Variants in MMP16 observed in about 807,000 individuals in gnomAD.
The protein encoded by MMP16 is matrix metalloproteinase-16.
In MMP16, 12 loss-of-function variants were observed where a neutral mutation model predicts 67.8. The observed-to-expected ratio is 0.18, with a 90% CI of 0.11 to 0.29. The LOEUF (loss-of-function observed/expected upper bound fraction) is 0.29. Among genes scored for constraint, MMP16 ranks in the 10% least tolerant of loss-of-function variants. The probability of loss-of-function intolerance (pLI) is 1.00; values close to 1 mark genes in which losing one functional copy is unlikely to be tolerated. For missense variants in MMP16, 475 were observed against 765.7 expected, an observed-to-expected ratio of 0.62 and a Z score of 4.48; for synonymous variants, 249 against 255.9, an observed-to-expected ratio of 0.97 and a Z score of 0.26.
chr8:88,083,398 C>A (rs912674716), intron 6 of MMP16, among the ~76,000 whole-genome samples: 1 of 151,944 alleles, frequency 6.6e-6, no homozygotes, highest in African/African-American at 2.4e-5. Flanking sequence ...CAAGGTAAGC[C>A]TGGAACAATT....
At chr8:88,164,621 T>A (rs111981854) in intron 4 of MMP16, among the ~76,000 whole-genome samples, 28 of 152,176 alleles carry the variant, frequency 1.8e-4, no homozygotes, top group African/African-American at 6.7e-4. Context: ...GAAACACTAT[T>A]ATTTTGCAGG....
intron 1 of MMP16, among the ~76,000 whole-genome samples, chr8:88,283,261 C>T (rs1225463018): frequency 1.3e-5 from 2 of 152,098 alleles, no homozygotes; most frequent in Non-Finnish European, 2.9e-5. Context: ...CATTATTTGG[C>T]TTTCTTTTCT....
At chr8:88,162,370 C>A (rs1377816203) in intron 4 of MMP16, among the ~76,000 whole-genome samples, 1 of 151,874 alleles carries the variant, frequency 6.6e-6, no homozygotes, top group Non-Finnish European at 1.5e-5. Context: ...TATATAAATC[C>A]TCTGTAATGG....
chr8:88,118,789 G>A lies in MMP16; in HGVS notation c.782C>T (p.Thr261Ile), dbSNP rs1202242072. Residue 261 changes from threonine (T) to isoleucine (I), a missense_variant, in exon 5 of 10, where the codon ACT becomes ATT. Physicochemically the swap from Thr to Ile is moderately conservative, Grantham distance 89 (BLOSUM62 -1). Coordinates refer to ENST00000286614, the MANE Select transcript of MMP16 (RefSeq NM_005941.5). The stretch of plus-strand genomic sequence containing the variant: ...CTGGTAAAATGGAGCCATGATGGCA[G>A]TGGGGTCATTGGAATGCTCCAATCC... Reference protein sequence around the residue: ...ALGLEHSNDPTAIMAPFYQYM... With the variant: ...ALGLEHSNDPIAIMAPFYQYM... 1.2e-6 allele frequency: 2 copies of A among 1,613,284 alleles called. No individual in the cohort carries two copies. Among genetic ancestry groups the A allele is most frequent in the Non-Finnish European group, 1.7e-6 (2 of 1,179,490 alleles).
chr8:88,072,413 A>G lies in MMP16; in HGVS notation c.1222+2192T>C, dbSNP rs113349935. On this transcript the variant is annotated intron_variant, in intron 7 of 9. Coordinates refer to ENST00000286614, the MANE Select transcript of MMP16 (RefSeq NM_005941.5). Reference sequence around the variant, plus strand: ...CAATGCTTTATTGAGCGGGAGAGCTACAGGTCATAGCTGGGCTTTGAGAGG... The same window carrying G: ...CAATGCTTTATTGAGCGGGAGAGCTGCAGGTCATAGCTGGGCTTTGAGAGG... Among the ~76,000 whole-genome samples, 58 of 152,236 alleles carry G rather than the reference A, an allele frequency of 3.8e-4. 3 individuals carry two copies. Among genetic ancestry groups the G allele is most frequent in the Non-Finnish European group, 2.8e-4 (19 of 68,012 alleles).
At chr8:88,258,267 A>G (rs1810335286) in intron 1 of MMP16, among the ~76,000 whole-genome samples, 1 of 152,170 alleles carries the variant, frequency 6.6e-6, no homozygotes, top group African/African-American at 2.4e-5. Context: ...TTTTCTTGCC[A>G]GCCTTCAAGA....
Position 88,116,489 on chromosome 8 carries a change from A to G in MMP16, c.1083+18T>C. 1 of 1,606,688 alleles carries G rather than the reference A, an allele frequency of 6.2e-7. No individual in the cohort carries two copies. The highest frequency in any genetic ancestry group is 8.5e-7 in the Non-Finnish European group (1 of 1,175,578). On this transcript the variant is annotated intron_variant, in intron 6 of 9. Transcript: ENST00000286614. ...CACTTGATCTACTGTTAAAAAAAAA[A>G]AAATCACAGTCTCCTACCTTGAAAA...
intron 4 of MMP16, among the ~76,000 whole-genome samples, chr8:88,121,482 G>C (rs1268303264): frequency 6.6e-6 from 1 of 151,950 alleles, no homozygotes; most frequent in East Asian, 1.9e-4. Flanking sequence ...ATTCCACTAG[G>C]AACAAAAGTT....
At chr8:88,323,853 TTTAAGACA>T (rs1811497352) in intron 1 of MMP16, among the ~76,000 whole-genome samples, 1 of 152,102 alleles carries the variant, frequency 6.6e-6, no homozygotes, top group East Asian at 1.9e-4. Flanking sequence ...CAAAATGATT[TTTAAGACA>T]GTAGACATTA....
chr8:88,186,679 A>G, intron 2 of MMP16, 81 bp from the exon 3 acceptor site: 1 of 1,520,208 alleles, frequency 6.6e-7, no homozygotes, highest in Non-Finnish European at 8.8e-7. Flanking sequence ...TTCAAAAGAA[A>G]ATCAATTAAG....
intron 1 of MMP16, among the ~76,000 whole-genome samples, chr8:88,273,831 C>T (rs569947011): frequency 6.6e-6 from 1 of 152,008 alleles, no homozygotes; most frequent in South Asian, 2.1e-4. Flanking sequence ...TGAGTATAGA[C>T]AAGAAAAACT....
At chr8:88,185,163 GA>G (rs1028521331) in intron 3 of MMP16, among the ~76,000 whole-genome samples, 2 of 152,046 alleles carry the variant, frequency 1.3e-5, no homozygotes, top group Admixed American at 6.5e-5. Context: ...CAAGAAGACA[GA>G]AAAGTGTTCC....
intron 1 of MMP16, among the ~76,000 whole-genome samples, chr8:88,306,951 T>A (rs1288630110): frequency 6.6e-6 from 1 of 152,116 alleles, no homozygotes; most frequent in African/African-American, 2.4e-5. Flanking sequence ...GAGAAAGGAA[T>A]AAAGGTATTC....
chr8:88,155,411 T>A (rs1349061459), intron 4 of MMP16, among the ~76,000 whole-genome samples: 3 of 152,106 alleles, frequency 2.0e-5, no homozygotes, highest in East Asian at 3.9e-4. Context: ...ATATAAAGAA[T>A]CTTTTTCTTT....
intron 7 of MMP16, among the ~76,000 whole-genome samples, chr8:88,065,127 T>C (rs1808448932): frequency 6.6e-6 from 1 of 152,114 alleles, no homozygotes; most frequent in Admixed American, 6.6e-5. Context: ...ACCAAGACTT[T>C]GTCACCTGCT....
chr8:88,078,265 C>T (rs1055432636), intron 6 of MMP16, among the ~76,000 whole-genome samples: 1 of 152,112 alleles, frequency 6.6e-6, no homozygotes. Context: ...TACTTAAACA[C>T]CAATATTTCA....
chr8:88,172,348 A>T (rs142654061), intron 3 of MMP16, among the ~76,000 whole-genome samples: 3,444 of 152,260 alleles, frequency 0.023, 46 homozygotes, highest in South Asian at 0.032. Flanking sequence ...ATAAATAAAT[A>T]CAAGATATAC....
Position 88,286,219 on chromosome 8 carries a change from T to C in MMP16, c.132+40856A>G, listed in dbSNP as rs556323220. Among the ~76,000 whole-genome samples, 6 of 152,292 alleles carry C rather than the reference T, an allele frequency of 3.9e-5. No homozygotes were observed. The East Asian group carries it at 9.7e-4, about 25-fold the overall frequency. ...GTACTTCTTTCCTATATCCTGTCCA[T>C]GTTCTTTTGCCTACACAAAGCCATT... On this transcript the variant is annotated intron_variant, in intron 1 of 9. Transcript: ENST00000286614.
intron 1 of MMP16, among the ~76,000 whole-genome samples, chr8:88,281,892 C>T (rs1005632747): frequency 6.6e-6 from 1 of 152,126 alleles, no homozygotes; most frequent in Non-Finnish European, 1.5e-5. Context: ...TCCTAACCAC[C>T]ACAAGCTCTT....
Sources: gnomAD v4.1 joint callset for allele counts (sites outside exome capture counted in the v4.1 genomes callset) on GRCh38, gnomAD v4.1.1 for gene constraint, MANE v1.5 for transcripts, NCBI Gene and HGNC (gene_info 2026-07-23, HGNC 2026-07-21) for gene names.